Variants in JAZF1 observed in about 807,000 individuals in gnomAD.
JAZF1 encodes JAZF zinc finger 1, also known as juxtaposed with another zinc finger protein 1.
JAZF1 carries 8 observed loss-of-function variants against 26.4 expected under a neutral mutation model. The ratio of observed to expected loss-of-function variants is 0.30; its 90% CI spans 0.18 to 0.55. The LOEUF is 0.55. JAZF1 is among the 20% of genes least tolerant of loss of function. The pLI is 0.94. For missense variants in JAZF1, 199 were observed against 322.0 expected (o/e 0.62, Z 2.92); for synonymous variants, 126 against 122.3 (o/e 1.03, Z -0.20).
At chr7:28,050,592 G>C (rs577823446) in intron 1 of JAZF1, among the ~76,000 whole-genome samples, 1 of 152,210 alleles carries the variant, frequency 6.6e-6, no homozygotes, top group African/African-American at 2.4e-5. Context: ...ATCTCATTTG[G>C]AGAATTTAGA....
At chr7:28,029,501 A>T (rs530844551) in intron 1 of JAZF1, among the ~76,000 whole-genome samples, 1 of 152,356 alleles carries the variant, frequency 6.6e-6, no homozygotes, top group South Asian at 2.1e-4. Context: ...TACAAAGGCA[A>T]CTGCTTTCTT....
At position 27,831,649 on chromosome 7, in the gene JAZF1, C is replaced by T. The variant is rs1782702843; in HGVS notation, c.*1151G>A. The T allele has an allele frequency of 4.4e-6, 1 of 225,784 alleles. No homozygotes were observed. The highest frequency in any genetic ancestry group is 1.8e-4 in the South Asian group (1 of 5,446). 14.0% of individuals were successfully genotyped at this position (225,784 alleles called of 1,614,324 possible). ...TGTTTGTTTTATAAAGCTAAACAGA[C>T]ATTTCCAATGAGAATGCAGACCTCT... On this transcript the variant is annotated 3_prime_UTR_variant, in exon 5 of 5. Coordinates refer to ENST00000283928, the MANE Select transcript of JAZF1 (RefSeq NM_175061.4).
chr7:27,926,105 C>T (rs1366850730), intron 2 of JAZF1, among the ~76,000 whole-genome samples: 1 of 152,190 alleles, frequency 6.6e-6, no homozygotes, highest in African/African-American at 2.4e-5. Context: ...ATCTTAAGGA[C>T]AGGCTCAAGA....
chr7:28,096,994 A>G (rs1266516530), intron 1 of JAZF1, among the ~76,000 whole-genome samples: 3 of 152,220 alleles, frequency 2.0e-5, no homozygotes, highest in Non-Finnish European at 4.4e-5. Context: ...CACATTCCTA[A>G]TGAAAAGGGC....
rs1314555557 is a variant in JAZF1, at chr7:27,831,724, TGAA to T, written c.*1073_*1075del. 4.4e-6 allele frequency: 1 copy of T among 225,752 alleles called. No individual in the cohort carries two copies. The allele number at this position is 225,752 out of a possible 1,614,324, so 14.0% of individuals were successfully genotyped here. A position where few individuals can be genotyped will look rare whatever the true frequency, so the allele number is the denominator to read the frequency against. ...TTTTAAAAAAAGTAAAAAATGAGCA[TGAA>T]GAAGAGGCAATAGGGGTCTTAACAA... On this transcript the variant is annotated 3_prime_UTR_variant, in exon 5 of 5. Transcript: ENST00000283928.
chr7:28,045,100 G>C (rs1026972837), intron 1 of JAZF1, among the ~76,000 whole-genome samples: 3 of 145,756 alleles, frequency 2.1e-5, no homozygotes, highest in African/African-American at 7.5e-5. Context: ...CAGGAGGAAG[G>C]TGAAAATTAG....
Position 27,897,081 on chromosome 7 carries a change from CT to C in JAZF1, c.189-1666del, listed in dbSNP as rs34234809. Among the ~76,000 whole-genome samples, 61 of 150,260 alleles carry C rather than the reference CT, an allele frequency of 4.1e-4. 1 individual carries two copies. The highest frequency in any genetic ancestry group is 1.2e-3 in the African/African-American group (47 of 40,842). ...CACAGAGAAAAGCAAAGAACTAGTG[CT>C]TTTTTTTTTATTATCCTAAGAAGAA... On this transcript the variant is annotated intron_variant, in intron 2 of 4. Transcript: ENST00000283928.
At chr7:27,895,460 G>A (rs755249456) in intron 2 of JAZF1, 44 bp from the exon 3 acceptor site, 3 of 1,385,942 alleles carry the variant, frequency 2.2e-6, no homozygotes, top group South Asian at 1.4e-5. Flanking sequence ...CATGTATAGA[G>A]CATGAGGACT....
chr7:28,076,836 A>G (rs2127913468), intron 1 of JAZF1, among the ~76,000 whole-genome samples: 1 of 152,192 alleles, frequency 6.6e-6, no homozygotes, highest in African/African-American at 2.4e-5. Context: ...TAATAGGGAA[A>G]TTTTTCCAGG....
intron 1 of JAZF1, among the ~76,000 whole-genome samples, chr7:28,052,372 T>C (rs1221916556): frequency 1.3e-5 from 2 of 152,224 alleles, no homozygotes; most frequent in Non-Finnish European, 2.9e-5. Context: ...TTTATTTGAG[T>C]TTCTGGAGTC....
At chr7:28,062,206 G>A (rs1783808433) in intron 1 of JAZF1, among the ~76,000 whole-genome samples, 2 of 152,152 alleles carry the variant, frequency 1.3e-5, no homozygotes, top group South Asian at 4.1e-4. Context: ...CTTAATAGCT[G>A]CTCTGTGATA....
At chr7:28,056,435 T>TAA (rs71555730) in intron 1 of JAZF1, among the ~76,000 whole-genome samples, 1 of 98,140 alleles carries the variant, frequency 1.0e-5, no homozygotes, top group Non-Finnish European at 2.3e-5. Context: ...TTTCAACAAC[T>TAA]ACACACACAC....
intron 1 of JAZF1, among the ~76,000 whole-genome samples, chr7:28,099,369 T>C (rs1182759449): frequency 2.8e-5 from 4 of 141,154 alleles, no homozygotes; most frequent in Non-Finnish European, 6.1e-5. Context: ...TTTTTTTTTC[T>C]TTTTTTTTTT....
chr7:28,165,669 T>C (rs975088292), intron 1 of JAZF1, among the ~76,000 whole-genome samples: 5 of 152,134 alleles, frequency 3.3e-5, no homozygotes, highest in Admixed American at 6.5e-5. Flanking sequence ...CAATGGCTCA[T>C]TCACTCCCCT....
At chr7:28,049,204 T>C (rs955093962) in intron 1 of JAZF1, among the ~76,000 whole-genome samples, 2 of 151,496 alleles carry the variant, frequency 1.3e-5, no homozygotes, top group African/African-American at 4.9e-5. Flanking sequence ...TGCCTCAGTC[T>C]CCAGAGTAGT....
rs573670941 is a variant in JAZF1, at chr7:28,035,651, A to G, written c.116-43670T>C. 3.3e-5 allele frequency among the ~76,000 whole-genome samples: 5 copies of G among 152,212 alleles called. No individual in the cohort carries two copies. In the East Asian group the frequency reaches 9.7e-4, roughly 29 times the overall value. On this transcript the variant is annotated intron_variant, in intron 1 of 4. Coordinates refer to ENST00000283928, the MANE Select transcript of JAZF1 (RefSeq NM_175061.4). Reference sequence around the variant, plus strand: ...GGGCTGGACGAGAGGAGTAAGCTGGAGGATAAAGTGCAGAGAAATTATGGC... The same window carrying G: ...GGGCTGGACGAGAGGAGTAAGCTGGGGGATAAAGTGCAGAGAAATTATGGC...
Position 27,996,514 on chromosome 7 carries a change from G to A in JAZF1, c.116-4533C>T, listed in dbSNP as rs372534453. 1.9e-4 allele frequency among the ~76,000 whole-genome samples: 29 copies of A among 152,320 alleles called. No homozygotes were observed. In the East Asian group the frequency reaches 4.2e-3, roughly 22 times the overall value. On this transcript the variant is annotated intron_variant, in intron 1 of 4. Coordinates refer to ENST00000283928, the MANE Select transcript of JAZF1 (RefSeq NM_175061.4). ...CCCACCCAGCCAGATGAGTAATTTT[G>A]AAGATCTGGGCTGGATACGACACTT... is the stretch of plus-strand genomic sequence containing the variant.
intron 1 of JAZF1, among the ~76,000 whole-genome samples, chr7:28,032,640 TA>T (rs1286471391): frequency 6.6e-6 from 1 of 152,156 alleles, no homozygotes; most frequent in African/African-American, 2.4e-5. Context: ...ATTTGCCCAA[TA>T]TATTTAGAAT....
At chr7:28,027,365 T>G (rs887841274) in intron 1 of JAZF1, among the ~76,000 whole-genome samples, 1 of 152,198 alleles carries the variant, frequency 6.6e-6, no homozygotes, top group Non-Finnish European at 1.5e-5. Flanking sequence ...TATTTGTGGG[T>G]TATGTTCTTG....
Sources: allele counts gnomAD v4.1 joint callset (sites outside exome capture counted in the v4.1 genomes callset), GRCh38; gene constraint gnomAD v4.1.1; transcripts MANE v1.5; gene names NCBI Gene and HGNC (gene_info 2026-07-23, HGNC 2026-07-21).